SPIDR: variants seen among roughly 807,000 people sequenced by gnomAD.
SPIDR encodes scaffold protein involved in DNA repair, also known as DNA repair-scaffolding protein.
A neutral mutation model predicts 104.6 loss-of-function variants in SPIDR; 93 were observed. The observed-to-expected ratio is 0.89, with a 90% CI of 0.75 to 1.06. The LOEUF (loss-of-function observed/expected upper bound fraction) is 1.06. Among genes scored for constraint, SPIDR ranks in the 50% least tolerant of loss-of-function variants. The probability of loss-of-function intolerance (pLI) is 0.00; values close to 1 mark genes in which losing one functional copy is unlikely to be tolerated. For synonymous variants in SPIDR, 431 were observed against 416.9 expected (o/e 1.03, Z -0.41); for missense variants, 1,154 against 1,111.2 (o/e 1.04, Z -0.55).
chr8:47,667,327 G>A (rs369990539), intron 10 of SPIDR, among the ~76,000 whole-genome samples: 5 of 151,322 alleles, frequency 3.3e-5, no homozygotes, highest in African/African-American at 1.2e-4. Context: ...ACTGGACACA[G>A]TGGCTCATGT....
At chr8:47,385,312 C>G (rs771086389) in intron 5 of SPIDR, among the ~76,000 whole-genome samples, 24 of 152,254 alleles carry the variant, frequency 1.6e-4, no homozygotes, top group Non-Finnish European at 3.1e-4. Flanking sequence ...CTTATCAAGA[C>G]TTATGGATCT....
At chr8:47,306,126 T>G (rs1335090937) in intron 5 of SPIDR, among the ~76,000 whole-genome samples, 1 of 152,162 alleles carries the variant, frequency 6.6e-6, no homozygotes, top group African/African-American at 2.4e-5. Flanking sequence ...TTAAGGTTAA[T>G]CCATGTTGTT....
chr8:47,558,627 T>C (rs72646359), intron 8 of SPIDR, among the ~76,000 whole-genome samples: 16 of 7,842 alleles, frequency 2.0e-3, no homozygotes, highest in Non-Finnish European at 3.1e-3. Flanking sequence ...AGTATCTAGC[T>C]TCACCTTTTT....
At chr8:47,422,140 A>C (rs2065605476) in intron 7 of SPIDR, among the ~76,000 whole-genome samples, 1 of 152,210 alleles carries the variant, frequency 6.6e-6, no homozygotes, top group Non-Finnish European at 1.5e-5. Flanking sequence ...CAAAGCTGTC[A>C]GACAGGGACT....
chr8:47,597,012 A>G (rs1035733256), intron 9 of SPIDR, among the ~76,000 whole-genome samples: 1 of 152,206 alleles, frequency 6.6e-6, no homozygotes, highest in African/African-American at 2.4e-5. Flanking sequence ...TCCTTGGATA[A>G]CAATGCCTTC....
At chr8:47,346,733 C>A (rs1554618394) in intron 5 of SPIDR, among the ~76,000 whole-genome samples, 1 of 152,126 alleles carries the variant, frequency 6.6e-6, no homozygotes. Context: ...TCTAGATTTT[C>A]TAGTTTATTT....
chr8:47,531,053 G>C (rs2085907012), intron 8 of SPIDR, among the ~76,000 whole-genome samples: 2 of 152,004 alleles, frequency 1.3e-5, no homozygotes, highest in Non-Finnish European at 2.9e-5. Context: ...TAGGACTCCA[G>C]GCATGCCACC....
At chr8:47,390,742 C>G (rs138827207) in intron 5 of SPIDR, among the ~76,000 whole-genome samples, 11 of 151,954 alleles carry the variant, frequency 7.2e-5, no homozygotes, top group African/African-American at 2.7e-4. Context: ...AAATATTTCT[C>G]AAAGAATTTT....
intron 10 of SPIDR, among the ~76,000 whole-genome samples, chr8:47,617,233 C>G (rs1198877768): frequency 6.6e-6 from 1 of 152,098 alleles, no homozygotes; most frequent in Non-Finnish European, 1.5e-5. Flanking sequence ...GAAAATTAAG[C>G]TATTTTTAAA....
At chr8:47,346,036 T>C (rs561674866) in intron 5 of SPIDR, among the ~76,000 whole-genome samples, 2 of 152,346 alleles carry the variant, frequency 1.3e-5, no homozygotes, top group African/African-American at 4.8e-5. Flanking sequence ...ATGCCTGTCT[T>C]GTGCCAGTTT....
chr8:47,372,422 C>T (rs886187116), intron 5 of SPIDR, among the ~76,000 whole-genome samples: 5 of 151,990 alleles, frequency 3.3e-5, no homozygotes, highest in Non-Finnish European at 5.9e-5. Context: ...GTGAGGAGTT[C>T]GAGACCAGCC....
chr8:47,468,136 T>A (rs549800924), intron 8 of SPIDR, among the ~76,000 whole-genome samples: 38 of 152,150 alleles, frequency 2.5e-4, no homozygotes, highest in South Asian at 6.2e-4. Context: ...TACCTAGTAA[T>A]AGAACTGACC....
At chr8:47,266,732 G>C (rs559978377) in intron 1 of SPIDR, among the ~76,000 whole-genome samples, 2 of 152,088 alleles carry the variant, frequency 1.3e-5, no homozygotes, top group Non-Finnish European at 2.9e-5. Flanking sequence ...AGTCCCATTG[G>C]CAATGTTGTT....
At chr8:47,433,470 G>T (rs1038863260) in intron 7 of SPIDR, among the ~76,000 whole-genome samples, 7 of 84,208 alleles carry the variant, frequency 8.3e-5, no homozygotes, top group Admixed American at 1.5e-4. Flanking sequence ...CCCTGCCCAG[G>T]CTCCAGCCGA....
At chr8:47,331,644 T>C (rs1003430377) in intron 5 of SPIDR, among the ~76,000 whole-genome samples, 2 of 152,216 alleles carry the variant, frequency 1.3e-5, no homozygotes, top group Admixed American at 1.3e-4. Flanking sequence ...CATACACTAC[T>C]ATCAACTTTA....
At position 47,634,722 on chromosome 8, in the gene SPIDR, C is replaced by T. The variant is rs545233533; in HGVS notation, c.1544+35526C>T. On this transcript the variant is annotated intron_variant, in intron 10 of 19. Transcript: ENST00000297423. ...ATGGCTGAGTGGGAGGGCGAGCTGT[C>T]ATTGAGCAGTGCAAACTACTCCCCT... 3.9e-5 allele frequency among the ~76,000 whole-genome samples: 6 copies of T among 152,300 alleles called. No homozygotes were observed. In the East Asian group the frequency reaches 1.2e-3, roughly 29 times the overall value.
intron 8 of SPIDR, among the ~76,000 whole-genome samples, chr8:47,499,875 G>A (rs189087118): frequency 1.3e-5 from 2 of 151,590 alleles, no homozygotes; most frequent in East Asian, 3.9e-4. Flanking sequence ...TCTCACCTAT[G>A]AGTGAGAACA....
chr8:47,644,322 G>A lies in SPIDR; in HGVS notation c.1545-29479G>A, dbSNP rs1210583335. On this transcript the variant is annotated intron_variant, in intron 10 of 19. Transcript: ENST00000297423. ...TAAATCTGAACGGAAGCTGATGTCAGGTCTCTCTCCTTCTTAGCTGTGCCC... is the reference window on the plus strand; with the variant it reads ...TAAATCTGAACGGAAGCTGATGTCAAGTCTCTCTCCTTCTTAGCTGTGCCC... Among the ~76,000 whole-genome samples the A allele has an allele frequency of 2.0e-5, 3 of 152,346 alleles. No homozygotes were observed. The East Asian group carries it at 5.8e-4, about 29-fold the overall frequency.
At chr8:47,468,677 G>C (rs1488665635) in intron 8 of SPIDR, among the ~76,000 whole-genome samples, 3 of 151,960 alleles carry the variant, frequency 2.0e-5, no homozygotes, top group African/African-American at 7.2e-5. Context: ...TGGACCCTTT[G>C]CTTATATAAA....
Sources: allele counts gnomAD v4.1 joint callset (sites outside exome capture counted in the v4.1 genomes callset), GRCh38; gene constraint gnomAD v4.1.1; transcripts MANE v1.5; gene names NCBI Gene and HGNC (gene_info 2026-07-23, HGNC 2026-07-21).